The following SPHKAP variants were observed in gnomAD, a reference collection of about 807,000 sequenced individuals.
The protein encoded by SPHKAP is A-kinase anchor protein SPHKAP.
Under a neutral mutation model 137.5 loss-of-function variants are expected in SPHKAP, and 67 were observed. That is an observed-to-expected ratio of 0.49 (90% CI 0.40 to 0.60). SPHKAP has a LOEUF of 0.60. Among genes scored for constraint, SPHKAP ranks in the 20% least tolerant of loss-of-function variants. SPHKAP has a pLI of 0.00. For missense variants in SPHKAP, 2,097 were observed against 2,069.3 expected (o/e 1.01, Z -0.26); for synonymous variants, 813 against 785.3 (o/e 1.04, Z -0.59).
chr2:228,002,300 T>C (rs1693939047), intron 7 of SPHKAP, among the ~76,000 whole-genome samples: 1 of 152,232 alleles, frequency 6.6e-6, no homozygotes, highest in African/African-American at 2.4e-5. Context: ...TGGTTTTGAT[T>C]TGCATTTCTC....
rs148059577 is a variant in SPHKAP at position 227,995,132 on chromosome 2, C to T, written c.4634+377G>A. Reference sequence around the variant, plus strand: ...CAACACAGTGTGGAAACACTTGCCTCGTGTAAACCCAGCCTGTGTTGCATC... The same window carrying T: ...CAACACAGTGTGGAAACACTTGCCTTGTGTAAACCCAGCCTGTGTTGCATC... On this transcript the variant is annotated intron_variant, in intron 8 of 11. Coordinates refer to ENST00000392056, the MANE Select transcript of SPHKAP (RefSeq NM_001142644.2). Among the ~76,000 whole-genome samples, 8 of 152,312 alleles carry T rather than the reference C, an allele frequency of 5.3e-5. No individual in the cohort carries two copies. In the East Asian group the frequency reaches 1.4e-3, roughly 26 times the overall value.
intron 1 of SPHKAP, among the ~76,000 whole-genome samples, chr2:228,157,931 T>A (rs537077142): frequency 6.6e-6 from 1 of 152,346 alleles, no homozygotes; most frequent in South Asian, 2.1e-4. Flanking sequence ...ATAGTTTTAC[T>A]TTTTATTAAG....
At chr2:227,998,005 G>T (rs1369840445) in intron 7 of SPHKAP, among the ~76,000 whole-genome samples, 1 of 151,834 alleles carries the variant, frequency 6.6e-6, no homozygotes, top group Non-Finnish European at 1.5e-5. Context: ...GTAGTTTTTT[G>T]TTTGTTTGTT....
chr2:228,088,423 A>T (rs1458751340), intron 3 of SPHKAP, among the ~76,000 whole-genome samples: 3 of 152,236 alleles, frequency 2.0e-5, no homozygotes, highest in African/African-American at 7.2e-5. Flanking sequence ...AAAATATTTT[A>T]AAAATACAGT....
chr2:228,156,949 T>C (rs1224712742), intron 1 of SPHKAP, among the ~76,000 whole-genome samples: 1 of 152,126 alleles, frequency 6.6e-6, no homozygotes, highest in East Asian at 1.9e-4. Context: ...GTCTTAGGTA[T>C]GTCTTTATTA....
At chr2:228,121,128 A>C (rs1698889102) in intron 2 of SPHKAP, among the ~76,000 whole-genome samples, 2 of 152,202 alleles carry the variant, frequency 1.3e-5, no homozygotes, top group Non-Finnish European at 2.9e-5. Flanking sequence ...GGTAGTGAAG[A>C]ATTTGCCACT....
chr2:228,060,134 A>G (rs1017230411), intron 3 of SPHKAP, among the ~76,000 whole-genome samples: 2 of 152,178 alleles, frequency 1.3e-5, no homozygotes, highest in Admixed American at 6.5e-5. Context: ...AAGGGTCTGA[A>G]AAGCAAATGA....
Position 228,132,055 on chromosome 2 carries a change from A to G in SPHKAP, c.63T>C (p.Val21=), listed in dbSNP as rs1699271394. The G allele has an allele frequency of 2.5e-6, 4 of 1,613,890 alleles. No individual in the cohort carries two copies. The highest frequency in any genetic ancestry group is 3.4e-6 in the Non-Finnish European group (4 of 1,179,980). The change falls in exon 2 of 12, where the codon GTT becomes GTC. Residue 21 remains valine, a synonymous_variant. Coordinates refer to ENST00000392056, the MANE Select transcript of SPHKAP (RefSeq NM_001142644.2). ...AGCCTCTGCCCTGCTGCGGTTCCAA[A>G]ACGTCATACATCCGTGATGACTCCA... The part of the protein sequence containing the change: ...SNLESSRMYD[V]LEPQQGRGCG...
intron 3 of SPHKAP, among the ~76,000 whole-genome samples, chr2:228,048,125 A>G (rs979991209): frequency 6.6e-6 from 1 of 152,174 alleles, no homozygotes; most frequent in Non-Finnish European, 1.5e-5. Flanking sequence ...TGAAGGGGAC[A>G]CCATGCTCCT....
At position 228,019,194 on chromosome 2, in the gene SPHKAP, A is replaced by G; in HGVS notation, c.1660T>C (p.Phe554Leu). The G allele has an allele frequency of 6.2e-7, 1 of 1,613,840 alleles. No individual in the cohort carries two copies. Residue 554 changes from phenylalanine (F) to leucine (L), a missense_variant, in exon 7 of 12, where the codon TTT becomes CTT. Coordinates refer to ENST00000392056, the MANE Select transcript of SPHKAP (RefSeq NM_001142644.2). The stretch of plus-strand genomic sequence containing the variant: ...GTCATGCCACACAAAGCAGATGGAA[A>G]GGAGTACTCATTGATGGAAGGTTCC... Reference protein sequence around the residue: ...LKEPSINEYSFPSALCGMTQV... With the variant: ...LKEPSINEYSLPSALCGMTQV...
At chr2:228,030,371 G>A (rs551455233) in intron 3 of SPHKAP, among the ~76,000 whole-genome samples, 280 of 151,704 alleles carry the variant, frequency 1.8e-3, no homozygotes, top group African/African-American at 6.1e-3. Flanking sequence ...AAAAACAGCC[G>A]GGTGTGGTGG....
intron 1 of SPHKAP, among the ~76,000 whole-genome samples, chr2:228,167,063 G>A (rs898968499): frequency 2.0e-5 from 3 of 152,060 alleles, no homozygotes; most frequent in South Asian, 2.1e-4. Context: ...TGAAAAACCC[G>A]GCCCCATGAT....
At chr2:228,094,410 G>T (rs539096674) in intron 3 of SPHKAP, among the ~76,000 whole-genome samples, 1 of 152,246 alleles carries the variant, frequency 6.6e-6, no homozygotes, top group Admixed American at 6.5e-5. Flanking sequence ...TGGGTTCTGC[G>T]ATTTCACAAA....
At chr2:228,112,369 C>A (rs1698546465) in intron 2 of SPHKAP, among the ~76,000 whole-genome samples, 1 of 152,228 alleles carries the variant, frequency 6.6e-6, no homozygotes, top group Middle Eastern at 3.4e-3. Context: ...CATTCTAGAG[C>A]TCACTACTCA....
chr2:228,056,817 G>A (rs1204876449), intron 3 of SPHKAP, among the ~76,000 whole-genome samples: 1 of 152,020 alleles, frequency 6.6e-6, no homozygotes, highest in African/African-American at 2.4e-5. Flanking sequence ...TTCTTTTTTG[G>A]ATGGTTGCAC....
chr2:228,143,846 G>A (rs1283502462), intron 1 of SPHKAP, among the ~76,000 whole-genome samples: 1 of 152,028 alleles, frequency 6.6e-6, no homozygotes, highest in African/African-American at 2.4e-5. Context: ...CAGGAGCTCT[G>A]CATTTTATTT....
chr2:227,986,396 TTATG>T (rs199891285), intron 11 of SPHKAP, among the ~76,000 whole-genome samples: 1,630 of 152,240 alleles, frequency 0.011, 17 homozygotes, highest in Middle Eastern at 0.024. Flanking sequence ...ATGAATGATA[TTATG>T]GACTTTGGAG....
intron 3 of SPHKAP, among the ~76,000 whole-genome samples, chr2:228,054,557 A>G (rs1321159856): frequency 6.6e-6 from 1 of 152,170 alleles, no homozygotes; most frequent in East Asian, 1.9e-4. Flanking sequence ...CAACTGGGGA[A>G]GGGAAGAGAG....
chr2:228,036,310 A>C (rs1464337764), intron 3 of SPHKAP, among the ~76,000 whole-genome samples: 1 of 152,242 alleles, frequency 6.6e-6, no homozygotes, highest in Non-Finnish European at 1.5e-5. Context: ...CATCAGAGAA[A>C]TGCAAAGCAA....
Sources: allele counts gnomAD v4.1 joint callset (sites outside exome capture counted in the v4.1 genomes callset), GRCh38; gene constraint gnomAD v4.1.1; transcripts MANE v1.5; gene names NCBI Gene and HGNC (gene_info 2026-07-23, HGNC 2026-07-21).